Variants in RAB11FIP5 observed in about 807,000 individuals in gnomAD.
The protein encoded by RAB11FIP5 is rab11 family-interacting protein 5.
In RAB11FIP5, 48 loss-of-function variants were observed where a neutral mutation model predicts 85.1. The observed-to-expected ratio is 0.56, with a 90% CI of 0.45 to 0.72. The LOEUF (loss-of-function observed/expected upper bound fraction) is 0.72, where lower values mean the gene tolerates loss of function less well. Ranked by LOEUF, RAB11FIP5 falls within the 30% of genes least tolerant of loss-of-function variation. RAB11FIP5 has a pLI of 0.00. For synonymous variants in RAB11FIP5, 729 were observed against 727.3 expected (o/e 1.00, Z -0.04); for missense variants, 1,491 against 1,687.0 (o/e 0.88, Z 2.04).
intron 1 of RAB11FIP5, among the ~76,000 whole-genome samples, chr2:73,108,988 T>C (rs1281730615): frequency 6.6e-6 from 1 of 151,822 alleles, no homozygotes; most frequent in East Asian, 1.9e-4. Flanking sequence ...AGATTGCAAG[T>C]GAGCCCAGAT....
chr2:73,093,967 A>G (rs187027567), intron 1 of RAB11FIP5, among the ~76,000 whole-genome samples: 1 of 152,238 alleles, frequency 6.6e-6, no homozygotes, highest in Admixed American at 6.5e-5. Context: ...CTAAAAATAC[A>G]ATAATTAGCT....
intron 1 of RAB11FIP5, among the ~76,000 whole-genome samples, chr2:73,093,838 C>T (rs1398260165): frequency 1.3e-5 from 2 of 152,198 alleles, no homozygotes; most frequent in African/African-American, 4.8e-5. Flanking sequence ...TATTCAACCT[C>T]GGACGCGCAT....
At chr2:73,102,298 G>C (rs576552777) in intron 1 of RAB11FIP5, among the ~76,000 whole-genome samples, 1 of 152,134 alleles carries the variant, frequency 6.6e-6, no homozygotes, top group Non-Finnish European at 1.5e-5. Context: ...TGCAGGAAGA[G>C]GGAGGGACAG....
chr2:73,087,558 A>G (rs978919598), intron 3 of RAB11FIP5, among the ~76,000 whole-genome samples: 1 of 152,146 alleles, frequency 6.6e-6, no homozygotes, highest in Non-Finnish European at 1.5e-5. Flanking sequence ...GGCTTCAGTT[A>G]TTTGACTCCC....
At chr2:73,103,413 T>C (rs1451775646) in intron 1 of RAB11FIP5, among the ~76,000 whole-genome samples, 1 of 152,116 alleles carries the variant, frequency 6.6e-6, no homozygotes, top group Non-Finnish European at 1.5e-5. Flanking sequence ...GGTCTGTCAC[T>C]GTCAGCTCAC....
chr2:73,088,860 C>A lies in RAB11FIP5; in HGVS notation c.868+19G>T, dbSNP rs777554320. The stretch of plus-strand genomic sequence containing the variant: ...GCCAGTGCCCCCCTCCCCAGGGCGG[C>A]GGCCCTGTGCTTGCTCACCCCCTTC... On this transcript the variant is annotated intron_variant, in intron 2 of 5. Coordinates refer to ENST00000486777, the MANE Select transcript of RAB11FIP5 (RefSeq NM_001371272.1). 1.4e-5 allele frequency: 22 copies of A among 1,547,848 alleles called. No individual in the cohort carries two copies. The highest frequency in any genetic ancestry group is 1.9e-5 in the Non-Finnish European group (22 of 1,149,576).
intron 3 of RAB11FIP5, among the ~76,000 whole-genome samples, chr2:73,085,496 G>A (rs944629803): frequency 6.6e-6 from 1 of 152,194 alleles, no homozygotes; most frequent in African/African-American, 2.4e-5. Flanking sequence ...TCAAACACAC[G>A]TGAAGTAGCC....
rs1475647425 is a variant in RAB11FIP5 at position 73,088,764 on chromosome 2, C to T, written c.869-15G>A. ...AGAGTCCCTGCCTGCAGGGGAAACA[C>T]ACAGAGTTAGCTCGCAGGAAGAGAG... On this transcript the variant is annotated splice_polypyrimidine_tract_variant and intron_variant, in intron 2 of 5. Transcript: ENST00000486777. 1 of 1,570,904 alleles carries T rather than the reference C, an allele frequency of 6.4e-7. No individual in the cohort carries two copies. The highest frequency in any genetic ancestry group is 1.8e-5 in the Admixed American group (1 of 54,888).
intron 1 of RAB11FIP5, among the ~76,000 whole-genome samples, chr2:73,097,242 G>A (rs1684337384): frequency 6.6e-6 from 1 of 151,972 alleles, no homozygotes; most frequent in East Asian, 1.9e-4. Context: ...TTTCCATGTT[G>A]GTCACACTGG....
At chr2:73,091,095 A>G (rs991455942) in intron 1 of RAB11FIP5, among the ~76,000 whole-genome samples, 1 of 152,234 alleles carries the variant, frequency 6.6e-6, no homozygotes, top group African/African-American at 2.4e-5. Flanking sequence ...GAACACAAAA[A>G]GGAAGAAACT....
rs767270562 is a variant in RAB11FIP5 at position 73,088,303 on chromosome 2, G to A, written c.1315C>T (p.Pro439Ser). ...ACAGCCTCAGAGGAGGCCACTATGG[G>A]TGTGGCAACCTGGACTGGCTTGCCC... ...PEGKPVQVATPIVASSEAVAE... is the reference protein window; with the variant it reads ...PEGKPVQVATSIVASSEAVAE... The change falls in exon 3 of 6, where the codon CCC (proline) becomes TCC (serine). Residue 439 changes from proline to serine, a missense_variant. By Grantham distance (74) the Pro-to-Ser change is moderately conservative (BLOSUM62 -1). Coordinates refer to ENST00000486777, the MANE Select transcript of RAB11FIP5 (RefSeq NM_001371272.1). The A allele has an allele frequency of 6.2e-7, 1 of 1,613,780 alleles. No homozygotes were observed. Among genetic ancestry groups the A allele is most frequent in the African/African-American group, 1.3e-5 (1 of 74,918 alleles).
Position 73,081,109 on chromosome 2 carries a change from C to T in RAB11FIP5, c.2123G>A (p.Gly708Glu). The change falls in exon 4 of 6, where the codon GGA (glycine) becomes GAA (glutamate). Residue 708 changes from glycine to glutamate, a missense_variant. Physicochemically the swap from Gly to Glu is moderately conservative, Grantham distance 98. This residue lies in a region of RAB11FIP5 where 1,211 missense variants were observed against 1,338.0 expected (regional missense o/e 0.91). Coordinates refer to ENST00000486777, the MANE Select transcript of RAB11FIP5 (RefSeq NM_001371272.1). The surrounding 1 kb of genome is among the most constrained non-coding windows in gnomAD (Gnocchi z 4.2). ...GEPGGGGGGGGGGGGRGGSSV... is the reference protein window; with the variant it reads ...GEPGGGGGGGEGGGGRGGSSV... The stretch of plus-strand genomic sequence containing the variant: ...GCTCCCACCTCTTCCTCCTCCTCCT[C>T]CTCCTCCTCCTCCTCCTCCCCCAGG... 7 of 1,232,456 alleles carry T rather than the reference C, an allele frequency of 5.7e-6. No homozygotes were observed. The highest frequency in any genetic ancestry group is 7.1e-6 in the Non-Finnish European group (7 of 988,088). The allele number at this position is 1,232,456 out of a possible 1,614,324, so 76.3% of individuals were successfully genotyped here.
Position 73,081,384 on chromosome 2 carries a change from T to G in RAB11FIP5, c.1848A>C (p.Ile616=). The G allele has an allele frequency of 8.1e-7, 1 of 1,232,590 alleles. No homozygotes were observed. 76.4% of individuals were successfully genotyped at this position (1,232,590 alleles called of 1,614,324 possible). ...GAGCAGGTGAAGGAGAGTTTAGTGCTATGTCGGCTATGAGCTCCTCGAAGA... is the reference window on the plus strand; with the variant it reads ...GAGCAGGTGAAGGAGAGTTTAGTGCGATGTCGGCTATGAGCTCCTCGAAGA... ...NPFFEELIAD[I]ALNSPSPAPS... Residue 616 remains isoleucine (I), a synonymous_variant, in exon 4 of 6, where the codon ATA becomes ATC. Coordinates refer to ENST00000486777, the MANE Select transcript of RAB11FIP5 (RefSeq NM_001371272.1). This position sits in a 1 kb window ranked among gnomAD's most constrained non-coding sequence, Gnocchi z 4.2.
intron 1 of RAB11FIP5, among the ~76,000 whole-genome samples, chr2:73,102,985 C>T (rs945943844): frequency 6.6e-6 from 1 of 152,158 alleles, no homozygotes; most frequent in Non-Finnish European, 1.5e-5. Flanking sequence ...AAACCCTTTT[C>T]CCTAGAGCCT....
At chr2:73,090,878 T>C (rs1684194246) in intron 1 of RAB11FIP5, among the ~76,000 whole-genome samples, 3 of 152,164 alleles carry the variant, frequency 2.0e-5, no homozygotes, top group Non-Finnish European at 1.5e-5. Flanking sequence ...CCTAACATAA[T>C]GTATAGACTC....
At chr2:73,108,328 T>C (rs1684570148) in intron 1 of RAB11FIP5, among the ~76,000 whole-genome samples, 2 of 152,206 alleles carry the variant, frequency 1.3e-5, no homozygotes, top group South Asian at 4.1e-4. Flanking sequence ...AGGCCCAGGA[T>C]GACGATCCTG....
chr2:73,085,592 A>G (rs528278906), intron 3 of RAB11FIP5, among the ~76,000 whole-genome samples: 1 of 152,190 alleles, frequency 6.6e-6, no homozygotes, highest in East Asian at 1.9e-4. Flanking sequence ...GGTCTCAACT[A>G]CCTACTCCCT....
rs1683991388 is a variant in RAB11FIP5, at chr2:73,081,894, C to T, written c.1569-231G>A. 6.6e-6 allele frequency among the ~76,000 whole-genome samples: 1 copy of T among 152,146 alleles called. No homozygotes were observed. Among genetic ancestry groups the T allele is most frequent in the South Asian group, 2.1e-4 (1 of 4,820 alleles). On this transcript the variant is annotated intron_variant, in intron 3 of 5. Transcript: ENST00000486777. This position sits in a 1 kb window ranked among gnomAD's most constrained non-coding sequence, Gnocchi z 4.2. The stretch of plus-strand genomic sequence containing the variant: ...GCTATTTTAATGCTCACTCCAACCC[C>T]AGAGAGAAATCATCTCATCTGATAG...
At chr2:73,097,107 C>G (rs1293727308) in intron 1 of RAB11FIP5, among the ~76,000 whole-genome samples, 2 of 152,106 alleles carry the variant, frequency 1.3e-5, no homozygotes, top group African/African-American at 4.8e-5. Context: ...GGCTCGATCT[C>G]AGCTCACTGC....
Sources: allele counts gnomAD v4.1 joint callset (sites outside exome capture counted in the v4.1 genomes callset), GRCh38; gene constraint gnomAD v4.1.1; regional missense constraint gnomAD v4.1.1; non-coding constraint Gnocchi (gnomAD v3.1); transcripts MANE v1.5; gene names NCBI Gene and HGNC (gene_info 2026-07-23, HGNC 2026-07-21).